Variants in C20orf96 observed in about 807,000 individuals in gnomAD.
C20orf96 encodes uncharacterized protein C20orf96.
In C20orf96, 57 loss-of-function variants were observed where a neutral mutation model predicts 52.6. The observed-to-expected ratio is 1.08, with a 90% CI of 0.88 to 1.35. The LOEUF is 1.35. Ranked by LOEUF, C20orf96 falls within the 40% of genes most tolerant of loss-of-function variation. The probability of loss-of-function intolerance (pLI) is 0.00; values close to 1 mark genes in which losing one functional copy is unlikely to be tolerated. For synonymous variants in C20orf96, 168 were observed against 157.2 expected (o/e 1.07, Z -0.51); for missense variants, 478 against 443.6 (o/e 1.08, Z -0.70).
rs777839051 is a variant in C20orf96 at position 277,297 on chromosome 20, C to G, written c.652G>C (p.Glu218Gln). Residue 218 changes from glutamate to glutamine, a missense_variant, in exon 7 of 11, where the codon GAG (glutamate) becomes CAG (glutamine). Transcript: ENST00000360321. ...VNFLSTYMDH[E>Q]YSIKSVQIST... ...ATCTGGACAGACTTGATGGAATACT[C>G]ATGGTCCATGTAAGTGCTCAGGAAG... 3 of 1,613,948 alleles carry G rather than the reference C, an allele frequency of 1.9e-6. No individual in the cohort carries two copies. Among genetic ancestry groups the G allele is most frequent in the Non-Finnish European group, 2.5e-6 (3 of 1,179,970 alleles).
chr20:290,485 A>G lies in C20orf96; in HGVS notation c.20+106T>C, dbSNP rs2012512823. On this transcript the variant is annotated intron_variant, in intron 1 of 10. Transcript: ENST00000360321. The stretch of plus-strand genomic sequence containing the variant: ...GGGCGGGGAGAGGACGGGGGTCAGA[A>G]GACCGAGGGCGACCTCGAGGCGAGG... 2.7e-6 allele frequency: 4 copies of G among 1,481,338 alleles called. No homozygotes were observed. The African/African-American group carries it at 6.4e-5, about 24-fold the overall frequency. 91.8% of individuals were successfully genotyped at this position (1,481,338 alleles called of 1,614,324 possible).
intron 3 of C20orf96, among the ~76,000 whole-genome samples, chr20:285,902 TTAGA>T (rs2012374553): frequency 6.6e-6 from 1 of 152,182 alleles, no homozygotes; most frequent in South Asian, 2.1e-4. Context: ...AGTTTAAGTA[TTAGA>T]TATACAAGAA....
At chr20:278,560 A>C in intron 5 of C20orf96, 131 bp from the exon 6 acceptor site, 1 of 710,884 alleles carries the variant, frequency 1.4e-6, no homozygotes, top group Non-Finnish European at 2.6e-6. Context: ...TAATCGGGAC[A>C]GTAACAGTGT....
At chr20:271,955 T>A (rs563570084) in intron 10 of C20orf96, among the ~76,000 whole-genome samples, 292 of 152,304 alleles carry the variant, frequency 1.9e-3, no homozygotes, top group Non-Finnish European at 3.5e-3. Flanking sequence ...AGGATTACAT[T>A]CTGTTTCACT....
intron 4 of C20orf96, among the ~76,000 whole-genome samples, chr20:282,070 C>T (rs2012268572): frequency 6.6e-6 from 1 of 152,196 alleles, no homozygotes; most frequent in Non-Finnish European, 1.5e-5. Context: ...CACTCCACTA[C>T]CTTGTCTCCA....
intron 10 of C20orf96, among the ~76,000 whole-genome samples, chr20:274,498 A>C (rs2011953298): frequency 6.6e-6 from 1 of 152,196 alleles, no homozygotes; most frequent in Non-Finnish European, 1.5e-5. Flanking sequence ...TTCACTATTC[A>C]GAGGCCAACA....
intron 4 of C20orf96, among the ~76,000 whole-genome samples, chr20:281,600 T>C (rs533495086): frequency 3.9e-5 from 6 of 152,250 alleles, no homozygotes; most frequent in African/African-American, 1.4e-4. Flanking sequence ...TGGCTGATAC[T>C]GTACTAAGCA....
chr20:275,904 C>G, intron 10 of C20orf96, 64 bp downstream of exon 10: 1 of 1,491,502 alleles, frequency 6.7e-7, no homozygotes, highest in Non-Finnish European at 9.4e-7. Context: ...TCCCCAAGAA[C>G]AGAGAGCCTC....
chr20:289,382 C>T (rs534330269), intron 3 of C20orf96, among the ~76,000 whole-genome samples, 177 bp downstream of exon 3: 1 of 152,194 alleles, frequency 6.6e-6, no homozygotes, highest in African/African-American at 2.4e-5. Context: ...TTCCTCAGAT[C>T]CACAAATGTA....
At chr20:280,894 C>T (rs562577524) in intron 4 of C20orf96, among the ~76,000 whole-genome samples, 30 of 152,168 alleles carry the variant, frequency 2.0e-4, no homozygotes, top group Non-Finnish European at 4.0e-4. Context: ...GTGACTCACG[C>T]CTGTAATCCC....
At chr20:273,889 GGAAGA>G (rs1289914904) in intron 10 of C20orf96, among the ~76,000 whole-genome samples, 2,967 of 70,606 alleles carry the variant, frequency 0.042, 174 homozygotes, top group African/African-American at 0.14. Context: ...GAAGAAGGAA[GGAAGA>G]AAGGAAGGAA....
chr20:278,495 C>T lies in C20orf96; in HGVS notation c.466-66G>A. 3 of 1,271,264 alleles carry T rather than the reference C, an allele frequency of 2.4e-6. No individual in the cohort carries two copies. In the South Asian group the frequency reaches 3.6e-5, roughly 15 times the overall value. 78.7% of individuals were successfully genotyped at this position (1,271,264 alleles called of 1,614,324 possible). Reference sequence around the variant, plus strand: ...GGCTCTCAGAGGCGGCCACCCAGCACTTCCTCAGAGGAGTCCCCAGTCCCA... The same window carrying T: ...GGCTCTCAGAGGCGGCCACCCAGCATTTCCTCAGAGGAGTCCCCAGTCCCA... On this transcript the variant is annotated intron_variant, in intron 5 of 10. Transcript: ENST00000360321.
chr20:272,027 A>C (rs1271877143), intron 10 of C20orf96, among the ~76,000 whole-genome samples: 1 of 152,154 alleles, frequency 6.6e-6, no homozygotes, highest in African/African-American at 2.4e-5. Context: ...GCTGATACAC[A>C]TGAAGTATTT....
intron 5 of C20orf96, 111 bp from the exon 6 acceptor site, chr20:278,540 G>A: frequency 1.3e-6 from 1 of 777,874 alleles, no homozygotes; most frequent in South Asian, 1.4e-5. Context: ...CCAGAAACCT[G>A]ACCAGAGGCT....
rs774646072 is a variant in C20orf96, at chr20:278,404, G to A, written c.491C>T (p.Ser164Leu). Reference protein sequence around the residue: ...LATIIDILEYSNKKRLQQLKS... With the variant: ...LATIIDILEYLNKKRLQQLKS... ...CAATTGCTGCAGCCTCTTCTTGTTTGAGTACTCCAAGATGTCGATGATGGT... is the reference window on the plus strand; with the variant it reads ...CAATTGCTGCAGCCTCTTCTTGTTTAAGTACTCCAAGATGTCGATGATGGT... Residue 164 changes from serine to leucine, a missense_variant, in exon 6 of 11, where the codon TCA becomes TTA. By Grantham distance (145) the Ser-to-Leu change is moderately radical (BLOSUM62 -2). Coordinates refer to ENST00000360321, the MANE Select transcript of C20orf96 (RefSeq NM_153269.3). 4.3e-6 allele frequency: 7 copies of A among 1,613,698 alleles called. No individual in the cohort carries two copies. In the South Asian group the frequency reaches 5.5e-5, roughly 13 times the overall value.
chr20:287,605 C>T (rs921625977), intron 3 of C20orf96, among the ~76,000 whole-genome samples: 4 of 152,048 alleles, frequency 2.6e-5, no homozygotes, highest in Non-Finnish European at 2.9e-5. Flanking sequence ...TTCTCCAAGT[C>T]TATAGCTTGT....
chr20:290,658 T>C lies in C20orf96; in HGVS notation c.-48A>G, dbSNP rs771927089. ...GCGAGTCTGTGAGACCCTGATCTTCTGGTATAACTACTCGGCTTTTCCAAC... is the reference window on the plus strand; with the variant it reads ...GCGAGTCTGTGAGACCCTGATCTTCCGGTATAACTACTCGGCTTTTCCAAC... On this transcript the variant is annotated 5_prime_UTR_variant, in exon 1 of 11. Coordinates refer to ENST00000360321, the MANE Select transcript of C20orf96 (RefSeq NM_153269.3). 3.6e-5 allele frequency: 58 copies of C among 1,610,382 alleles called. No individual in the cohort carries two copies. Among genetic ancestry groups the C allele is most frequent in the Non-Finnish European group, 4.8e-5 (57 of 1,177,802 alleles).
rs114540441 is a variant in C20orf96 at position 274,636 on chromosome 20, G to A, written c.1031+1332C>T. On this transcript the variant is annotated intron_variant, in intron 10 of 10. Transcript: ENST00000360321. ...CAAGTGACTATTTATTACGTCCCCC[G>A]GAGACCCTGGCACCACCGCCTAGAA... Among the ~76,000 whole-genome samples the A allele has an allele frequency of 8.2e-3, 1,237 of 151,772 alleles. 23 individuals are homozygous for A. Among genetic ancestry groups the A allele is most frequent in the African/African-American group, 0.027 (1,132 of 41,348 alleles).
intron 5 of C20orf96, among the ~76,000 whole-genome samples, chr20:278,834 G>A (rs1409393765): frequency 7.1e-6 from 1 of 141,216 alleles, no homozygotes; most frequent in African/African-American, 2.7e-5. Flanking sequence ...GCAAAGCCCA[G>A]GTGAGGGGAG....
Sources: gnomAD v4.1 joint callset for allele counts (sites outside exome capture counted in the v4.1 genomes callset) on GRCh38, gnomAD v4.1.1 for gene constraint, MANE v1.5 for transcripts, NCBI Gene and HGNC (gene_info 2026-07-23, HGNC 2026-07-21) for gene names.